Variants in ROBO2 observed in about 807,000 individuals in gnomAD.
ROBO2 encodes the protein roundabout guidance receptor 2, also known as roundabout homolog 2.
A neutral mutation model predicts 160.8 loss-of-function variants in ROBO2; 53 were observed. That is an observed-to-expected ratio of 0.33 (90% CI 0.26 to 0.41). ROBO2 has a LOEUF of 0.41. Ranked by LOEUF, ROBO2 falls within the 10% of genes least tolerant of loss-of-function variation. The probability of loss-of-function intolerance (pLI) is 1.00; values close to 1 mark genes in which losing one functional copy is unlikely to be tolerated. For missense variants in ROBO2, 1,577 were observed against 1,722.4 expected (o/e 0.92, Z 1.49); for synonymous variants, 664 against 611.7 (o/e 1.09, Z -1.26).
At chr3:76,333,309 T>C (rs192253395) in intron 2 of ROBO2, among the ~76,000 whole-genome samples, 37 of 152,272 alleles carry the variant, frequency 2.4e-4, no homozygotes, top group African/African-American at 8.9e-4. Context: ...ACATATTAGC[T>C]GTGCAGTGAT....
chr3:77,290,243 G>A (rs1217149689), intron 2 of ROBO2, among the ~76,000 whole-genome samples: 2 of 135,880 alleles, frequency 1.5e-5, no homozygotes, highest in East Asian at 2.3e-4. Flanking sequence ...AAGTAAAATT[G>A]ATGGTTAAAC....
At chr3:76,672,667 G>A (rs2092300470) in intron 2 of ROBO2, among the ~76,000 whole-genome samples, 2 of 152,096 alleles carry the variant, frequency 1.3e-5, no homozygotes, top group South Asian at 2.1e-4. Flanking sequence ...ACCGACTCAA[G>A]CACAATGAGC....
intron 1 of ROBO2, among the ~76,000 whole-genome samples, chr3:77,062,332 C>G (rs2066408202): frequency 6.6e-6 from 1 of 152,196 alleles, no homozygotes; most frequent in East Asian, 1.9e-4. Flanking sequence ...TCTGTCTAAC[C>G]CAGTCAGGCA....
chr3:76,932,925 C>T (rs79202635), intron 2 of ROBO2, among the ~76,000 whole-genome samples: 153 of 152,078 alleles, frequency 1.0e-3, no homozygotes, highest in African/African-American at 3.6e-3. Flanking sequence ...GTCTATTATC[C>T]TTGTTATTCA....
In ROBO2 at chr3:76,108,374, T is replaced by C. The variant is rs1242401341; in HGVS notation, c.109+170772T>C. On this transcript the variant is annotated intron_variant, in intron 2 of 26. Coordinates refer to the ROBO2 transcript ENST00000487694. ...ATTCAAATCTCACCAATAAATTACA[T>C]TGAATATCATCACTGTAACTCTTAT... Among the ~76,000 whole-genome samples, 6 of 152,160 alleles carry C rather than the reference T, an allele frequency of 3.9e-5. No individual in the cohort carries two copies. The East Asian group carries it at 5.8e-4, about 15-fold the overall frequency.
At chr3:75,929,595 T>C (rs907723) in intron 1 of ROBO2, among the ~76,000 whole-genome samples, 150,074 of 152,180 alleles carry the variant, frequency 0.99, 74,041 homozygotes, top group Middle Eastern at 1. Flanking sequence ...TTTCTCCCCT[T>C]CTTGCAAATT....
Position 76,337,030 on chromosome 3 carries a change from G to T in ROBO2, c.109+399428G>T, listed in dbSNP as rs1314116467. Among the ~76,000 whole-genome samples the T allele has an allele frequency of 2.6e-5, 4 of 152,086 alleles. No individual in the cohort carries two copies. The South Asian group carries it at 8.3e-4, about 32-fold the overall frequency. On this transcript the variant is annotated intron_variant, in intron 2 of 26. Coordinates refer to the ROBO2 transcript ENST00000487694. Reference sequence around the variant, plus strand: ...TTCTGGGGCTTTGTAGAGAAAAAAAGATAAAATTGTGTCCAGCAAGTTTGA... The same window carrying T: ...TTCTGGGGCTTTGTAGAGAAAAAAATATAAAATTGTGTCCAGCAAGTTTGA...
chr3:76,443,826 A>G (rs2077041275), intron 2 of ROBO2, among the ~76,000 whole-genome samples: 1 of 152,192 alleles, frequency 6.6e-6, no homozygotes, highest in Admixed American at 6.5e-5. Context: ...TGTTGAGTAG[A>G]AATTTGAAAA....
intron 1 of ROBO2, among the ~76,000 whole-genome samples, chr3:75,916,631 A>G (rs1460238617): frequency 2.6e-5 from 4 of 152,162 alleles, no homozygotes; most frequent in African/African-American, 9.6e-5. Context: ...TACTAAATCA[A>G]TCTTAGAGAT....
At position 76,318,015 on chromosome 3, in the gene ROBO2, A is replaced by G. The variant is rs182750182; in HGVS notation, c.109+380413A>G. Reference sequence around the variant, plus strand: ...ATTTTGACATCAAAATTTCATTTTAATTATATATTTGTCATTAATGTATGC... The same window carrying G: ...ATTTTGACATCAAAATTTCATTTTAGTTATATATTTGTCATTAATGTATGC... On this transcript the variant is annotated intron_variant, in intron 2 of 26. Transcript: ENST00000487694. Among the ~76,000 whole-genome samples the G allele has an allele frequency of 1.6e-3, 245 of 152,156 alleles. 2 individuals are homozygous for G. Among genetic ancestry groups the G allele is most frequent in the Non-Finnish European group, 2.1e-3 (143 of 67,952 alleles).
chr3:77,186,555 G>A (rs1011608809), intron 2 of ROBO2, among the ~76,000 whole-genome samples: 30 of 148,030 alleles, frequency 2.0e-4, no homozygotes, highest in Admixed American at 3.3e-4. Context: ...GAGATTATAC[G>A]GAGCACAGAG....
chr3:77,081,299 G>T (rs1158825307), intron 1 of ROBO2, among the ~76,000 whole-genome samples: 1 of 152,166 alleles, frequency 6.6e-6, no homozygotes, highest in Admixed American at 6.6e-5. Flanking sequence ...TACGCCATTG[G>T]CCACAGCAGT....
intron 2 of ROBO2, among the ~76,000 whole-genome samples, chr3:76,426,891 C>A (rs1023884395): frequency 6.6e-6 from 1 of 152,000 alleles, no homozygotes; most frequent in Non-Finnish European, 1.5e-5. Flanking sequence ...AGGGTCCATA[C>A]CCAGTTATAT....
intron 2 of ROBO2, among the ~76,000 whole-genome samples, chr3:76,425,292 A>G (rs561323538): frequency 6.6e-6 from 1 of 152,120 alleles, no homozygotes; most frequent in Non-Finnish European, 1.5e-5. Context: ...ATAGGAGTGT[A>G]TAGGACCTGG....
At chr3:76,255,291 T>G (rs1253399391) in intron 2 of ROBO2, among the ~76,000 whole-genome samples, 2 of 152,080 alleles carry the variant, frequency 1.3e-5, no homozygotes, top group Non-Finnish European at 2.9e-5. Flanking sequence ...TATTTTAGGG[T>G]TTTAGCCCTA....
At chr3:76,366,711 A>C (rs145915614) in intron 2 of ROBO2, among the ~76,000 whole-genome samples, 271 of 152,128 alleles carry the variant, frequency 1.8e-3, no homozygotes, top group African/African-American at 6.3e-3. Flanking sequence ...GTTTTCTCAG[A>C]TATTTATAGT....
In ROBO2 at chr3:77,477,578, T is replaced by C. The variant is rs753238572; in HGVS notation, c.546+7T>C. On this transcript the variant is annotated splice_region_variant and intron_variant, in intron 3 of 25. Transcript: ENST00000461745. ...CAAGGAAGAAAGAATAAGTGTGAGTTAAATTAAAATCATGGCCCAGAGAGA... is the reference window on the plus strand; with the variant it reads ...CAAGGAAGAAAGAATAAGTGTGAGTCAAATTAAAATCATGGCCCAGAGAGA... The C allele has an allele frequency of 1.2e-5, 19 of 1,613,372 alleles. No homozygotes were observed. Among genetic ancestry groups the C allele is most frequent in the Non-Finnish European group, 1.6e-5 (19 of 1,179,372 alleles).
chr3:77,439,642 G>T (rs188461032), intron 2 of ROBO2, among the ~76,000 whole-genome samples: 1 of 152,002 alleles, frequency 6.6e-6, no homozygotes, highest in Non-Finnish European at 1.5e-5. Flanking sequence ...AAGAGAAGAC[G>T]CATGCTAACC....
intron 2 of ROBO2, among the ~76,000 whole-genome samples, chr3:76,719,116 TGAA>T (rs762748750): frequency 1.4e-4 from 22 of 152,174 alleles, no homozygotes; most frequent in African/African-American, 4.6e-4. Context: ...GATAGAAAAT[TGAA>T]GAAGGTTTAT....
Sources: gnomAD v4.1 joint callset for allele counts (sites outside exome capture counted in the v4.1 genomes callset) on GRCh38, gnomAD v4.1.1 for gene constraint, MANE v1.5 for transcripts, NCBI Gene and HGNC (gene_info 2026-07-23, HGNC 2026-07-21) for gene names.